Variants in SRFBP1 observed in about 807,000 individuals in gnomAD.
SRFBP1 encodes serum response factor-binding protein 1.
SRFBP1 carries 47 observed loss-of-function variants against 45.5 expected under a neutral mutation model. That is an observed-to-expected ratio of 1.03 (90% CI 0.82 to 1.32). The LOEUF (loss-of-function observed/expected upper bound fraction) is 1.32, where lower values mean the gene tolerates loss of function less well. Ranked by LOEUF, SRFBP1 falls within the 40% of genes most tolerant of loss-of-function variation. The probability of loss-of-function intolerance (pLI) is 0.00; values close to 1 mark genes in which losing one functional copy is unlikely to be tolerated. For missense variants in SRFBP1, 621 were observed against 484.6 expected, an observed-to-expected ratio of 1.28 and a Z score of -2.64; for synonymous variants, 203 against 166.3, an observed-to-expected ratio of 1.22 and a Z score of -1.70.
chr5:121,982,746 A>C (rs766985289), intron 3 of SRFBP1, among the ~76,000 whole-genome samples: 1 of 151,712 alleles, frequency 6.6e-6, no homozygotes, highest in Non-Finnish European at 1.5e-5. Context: ...CTTCACCTAG[A>C]TAAGCCTACT....
At chr5:122,078,919 C>G (rs376423004), downstream of SRFBP1, among the ~76,000 whole-genome samples, 1 of 152,166 alleles carries the variant, frequency 6.6e-6, no homozygotes, top group South Asian at 2.1e-4. Context: ...ATGAATAAAC[C>G]TGTCTCTTTT....
At chr5:122,077,831 C>G, downstream of SRFBP1, 2 of 1,551,856 alleles carry the variant, frequency 1.3e-6, no homozygotes, top group Non-Finnish European at 1.7e-6. The surrounding 1 kb of genome is among the most constrained non-coding windows in gnomAD (Gnocchi z 4.9). Flanking sequence ...GAACACCTGC[C>G]CGTTGTTCTC....
intron 4 of SRFBP1, among the ~76,000 whole-genome samples, chr5:122,015,526 A>G (rs1315026291): frequency 6.6e-6 from 1 of 152,242 alleles, no homozygotes; most frequent in African/African-American, 2.4e-5. Flanking sequence ...TAAGACACAC[A>G]GCTTCTGTCA....
intron 3 of SRFBP1, among the ~76,000 whole-genome samples, chr5:121,991,109 T>C (rs1430638380): frequency 1.3e-5 from 2 of 152,180 alleles, no homozygotes; most frequent in African/African-American, 4.8e-5. Context: ...CCAGGCATTC[T>C]TTGTAAATAA....
intron 1 of SRFBP1, among the ~76,000 whole-genome samples, chr5:121,971,809 T>C (rs77384108): frequency 0.094 from 14,286 of 151,954 alleles, 1,185 homozygotes; most frequent in African/African-American, 0.21. Flanking sequence ...CTTGGAAAAC[T>C]AAGGGAAGAA....
At chr5:122,042,265 A>T (rs1228405615) in intron 2 of SRFBP1, among the ~76,000 whole-genome samples, 2 of 152,040 alleles carry the variant, frequency 1.3e-5, no homozygotes, top group South Asian at 2.1e-4. Context: ...TTGATTTTTT[A>T]AAATTTTATT....
At chr5:122,071,420 C>T (rs1038103439) in intron 2 of SRFBP1, among the ~76,000 whole-genome samples, 2 of 152,130 alleles carry the variant, frequency 1.3e-5, no homozygotes, top group East Asian at 1.9e-4. Context: ...CATACAGTCA[C>T]TGAAATATGA....
downstream of SRFBP1, among the ~76,000 whole-genome samples, chr5:122,033,236 C>G (rs567869965): frequency 1.3e-5 from 2 of 151,122 alleles, no homozygotes; most frequent in South Asian, 4.2e-4. Context: ...AGCCCTTTAC[C>G]TGTTTTATGT....
intron 5 of SRFBP1, 136 bp from the exon 6 acceptor site, chr5:122,019,952 C>T (rs1307276272): frequency 4.1e-6 from 2 of 485,764 alleles, no homozygotes; most frequent in Non-Finnish European, 6.9e-6. Flanking sequence ...TGAATTCAGA[C>T]CGAGTATATG....
intron 4 of SRFBP1, among the ~76,000 whole-genome samples, chr5:121,998,604 G>A (rs9327240): frequency 0.051 from 7,563 of 147,674 alleles, 579 homozygotes; most frequent in African/African-American, 0.16. Context: ...AGCATGGCAC[G>A]TGTATACATA....
At chr5:121,975,107 A>C (rs897651759) in intron 2 of SRFBP1, among the ~76,000 whole-genome samples, 3 of 151,906 alleles carry the variant, frequency 2.0e-5, no homozygotes, top group Non-Finnish European at 2.9e-5. Context: ...GACAGTACTT[A>C]TTTTTGCCAT....
chr5:122,010,654 C>G (rs1322744192), intron 4 of SRFBP1, among the ~76,000 whole-genome samples: 1 of 152,054 alleles, frequency 6.6e-6, no homozygotes, highest in Non-Finnish European at 1.5e-5. Context: ...CCTTCCCTCA[C>G]AGTAATGTTC....
chr5:122,074,291 T>C, intron 2 of SRFBP1: 1 of 763,104 alleles, frequency 1.3e-6, no homozygotes, highest in Non-Finnish European at 2.1e-6. Flanking sequence ...AGACCAAATT[T>C]ATCTTCTAAA....
chr5:122,075,928 A>T (rs1476587369), downstream of SRFBP1: 1 of 153,186 alleles, frequency 6.5e-6, no homozygotes, highest in African/African-American at 2.4e-5. Flanking sequence ...AAAATAATTC[A>T]TAGATGTTTA....
chr5:122,027,152 C>A lies in SRFBP1; in HGVS notation c.*26C>A. On this transcript the variant is annotated 3_prime_UTR_variant, in exon 8 of 8. Coordinates refer to ENST00000339397, the MANE Select transcript of SRFBP1 (RefSeq NM_152546.3). The stretch of plus-strand genomic sequence containing the variant: ...TTAGTGCCTCTTTCTGCAAACTTTT[C>A]CATCTAAAAAAAAAAATGTTTTTTT... 1 of 1,566,832 alleles carries A rather than the reference C, an allele frequency of 6.4e-7. No homozygotes were observed. Among genetic ancestry groups the A allele is most frequent in the Non-Finnish European group, 8.6e-7 (1 of 1,156,944 alleles).
In SRFBP1 at chr5:122,000,994, A is replaced by C. The variant is rs57459581; in HGVS notation, c.270+6324A>C. Among the ~76,000 whole-genome samples, 80 of 151,938 alleles carry C rather than the reference A, an allele frequency of 5.3e-4. 1 individual carries two copies. In the East Asian group the frequency reaches 8.7e-3, roughly 17 times the overall value. On this transcript the variant is annotated intron_variant, in intron 4 of 7. Coordinates refer to ENST00000339397, the MANE Select transcript of SRFBP1 (RefSeq NM_152546.3). ...GAATAGAAAAATTTGACATACACTG[A>C]CTCTGGATGTCATGTTTTTAATCAA...
At chr5:122,077,076 G>A, downstream of SRFBP1, 3 of 1,578,812 alleles carry the variant, frequency 1.9e-6, no homozygotes, top group South Asian at 2.3e-5. The surrounding 1 kb of genome is among the most constrained non-coding windows in gnomAD (Gnocchi z 4.9). Flanking sequence ...ACCCCTCTAG[G>A]TCCCTTACTC....
chr5:122,052,380 G>T (rs1754004775), intron 2 of SRFBP1, among the ~76,000 whole-genome samples: 1 of 152,150 alleles, frequency 6.6e-6, no homozygotes, highest in Non-Finnish European at 1.5e-5. Flanking sequence ...TTTCAGGGAT[G>T]CCAGTGAGTT....
chr5:121,972,081 T>A (rs1389508441), intron 1 of SRFBP1, among the ~76,000 whole-genome samples: 2 of 151,858 alleles, frequency 1.3e-5, no homozygotes, highest in Non-Finnish European at 2.9e-5. Flanking sequence ...CTAATGAAAA[T>A]GACTCAATCA....
Sources: gnomAD v4.1 joint callset for allele counts (sites outside exome capture counted in the v4.1 genomes callset) on GRCh38, gnomAD v4.1.1 for gene constraint, Gnocchi (gnomAD v3.1) non-coding constraint, MANE v1.5 for transcripts, NCBI Gene and HGNC (gene_info 2026-07-23, HGNC 2026-07-21) for gene names.